The following GSE1 variants were observed in gnomAD, a reference collection of about 807,000 sequenced individuals.
The protein encoded by GSE1 is Gse1 coiled-coil protein.
Under a neutral mutation model 112.6 loss-of-function variants are expected in GSE1, and 32 were observed. The observed-to-expected ratio is 0.28, with a 90% confidence interval of 0.21 to 0.38. The LOEUF (loss-of-function observed/expected upper bound fraction) is 0.38, where lower values mean the gene tolerates loss of function less well. GSE1 is among the 10% of genes least tolerant of loss of function. The pLI, the probability that GSE1 is intolerant of heterozygous loss-of-function variation, is 1.00. For missense variants in GSE1, 2,348 were observed against 1,699.2 expected (o/e 1.38, Z -6.71); for synonymous variants, 1,115 against 735.6 (o/e 1.52, Z -8.35).
chr16:85,416,444 C>T (rs980369082), intron 2 of GSE1, among the ~76,000 whole-genome samples: 7 of 152,070 alleles, frequency 4.6e-5, no homozygotes, highest in African/African-American at 1.4e-4. Flanking sequence ...CGGCTCCTCC[C>T]GAGCAGGTGG....
chr16:85,585,012 T>G (rs2046623183), intron 1 of GSE1, among the ~76,000 whole-genome samples: 1 of 152,054 alleles, frequency 6.6e-6, no homozygotes, highest in Non-Finnish European at 1.5e-5. Flanking sequence ...GAAGACCTCG[T>G]CTTCCAAGGC....
chr16:85,500,295 G>A (rs2151911137), intron 2 of GSE1, among the ~76,000 whole-genome samples: 1 of 152,368 alleles, frequency 6.6e-6, no homozygotes, highest in East Asian at 1.9e-4. Context: ...CAAACCTCCA[G>A]AGAAGTGATA....
chr16:85,325,589 C>G (rs1401237917), intron 1 of GSE1, among the ~76,000 whole-genome samples: 1 of 149,816 alleles, frequency 6.7e-6, no homozygotes, highest in Non-Finnish European at 1.5e-5. Flanking sequence ...ATAGCAGGGA[C>G]TACAAGCATA....
intron 2 of GSE1, among the ~76,000 whole-genome samples, chr16:85,456,875 C>T (rs1445602477): frequency 2.0e-5 from 3 of 152,090 alleles, no homozygotes; most frequent in Non-Finnish European, 2.9e-5. Flanking sequence ...ACAGGAGAGA[C>T]ACCGGCAGGC....
rs140624354 is a variant in GSE1 at position 85,445,830 on chromosome 16, G to A, written c.2464+88187G>A. ...CTTGTGGGATTTCTGCTGGGGGCCC[G>A]CCTTGCAGCTCGCTGGGGTCAGGCT... On this transcript the variant is annotated intron_variant, in intron 2 of 2. Transcript: ENST00000637419. Among the ~76,000 whole-genome samples the A allele has an allele frequency of 2.5e-3, 384 of 152,284 alleles. 1 individual carries two copies. In the Middle Eastern group the frequency reaches 0.027, roughly 11 times the overall value.
intron 2 of GSE1, among the ~76,000 whole-genome samples, chr16:85,550,917 A>C (rs1243507988): frequency 6.6e-6 from 1 of 152,206 alleles, no homozygotes; most frequent in South Asian, 2.1e-4. Flanking sequence ...GTTTTCTCCC[A>C]TTGAGAGATG....
chr16:85,492,481 C>A (rs1199711301), intron 2 of GSE1, among the ~76,000 whole-genome samples: 3 of 152,312 alleles, frequency 2.0e-5, no homozygotes, highest in South Asian at 4.1e-4. Flanking sequence ...GAAATACCAG[C>A]CCCTGTTCTG....
At chr16:85,328,491 C>G (rs962817368) in intron 1 of GSE1, among the ~76,000 whole-genome samples, 1 of 152,232 alleles carries the variant, frequency 6.6e-6, no homozygotes, top group Non-Finnish European at 1.5e-5. Flanking sequence ...CTCCAGGCTC[C>G]TTTCAAGCTC....
chr16:85,224,876 T>C (rs1197260798), intron 1 of GSE1, among the ~76,000 whole-genome samples: 2 of 148,962 alleles, frequency 1.3e-5, no homozygotes, highest in Non-Finnish European at 3.0e-5. Context: ...GCACCTGTAA[T>C]CCCAGCACTT....
intron 1 of GSE1, among the ~76,000 whole-genome samples, chr16:85,570,596 G>A (rs578128529): frequency 6.6e-6 from 1 of 152,252 alleles, no homozygotes; most frequent in Non-Finnish European, 1.5e-5. Flanking sequence ...AGGGCTCTCG[G>A]AGAGAGGTGG....
At chr16:85,320,826 T>C (rs1346613848) in intron 1 of GSE1, among the ~76,000 whole-genome samples, 2 of 152,172 alleles carry the variant, frequency 1.3e-5, no homozygotes, top group Admixed American at 6.5e-5. Flanking sequence ...CTGGAGGCAC[T>C]GCCTTCTTGC....
At chr16:85,519,287 C>T (rs376588086) in intron 2 of GSE1, among the ~76,000 whole-genome samples, 1 of 111,908 alleles carries the variant, frequency 8.9e-6, no homozygotes, top group East Asian at 4.0e-4. Context: ...ACCATCACCA[C>T]CACCATCACC....
At chr16:85,205,858 A>G (rs2075105711) in intron 1 of GSE1, among the ~76,000 whole-genome samples, 1 of 152,180 alleles carries the variant, frequency 6.6e-6, no homozygotes, top group African/African-American at 2.4e-5. Context: ...TCATTCATTC[A>G]TCTGGTGCTT....
intron 1 of GSE1, among the ~76,000 whole-genome samples, chr16:85,286,659 C>T (rs934483857): frequency 4.6e-5 from 7 of 151,522 alleles, no homozygotes; most frequent in South Asian, 2.1e-4. Context: ...CTGCGGTTTA[C>T]GCATCTATTA....
chr16:85,453,767 A>G (rs928177177), intron 2 of GSE1, among the ~76,000 whole-genome samples: 5 of 152,242 alleles, frequency 3.3e-5, no homozygotes, highest in Admixed American at 3.3e-4. Context: ...CCCTCTGCAC[A>G]AGGCGGTCGC....
intron 1 of GSE1, among the ~76,000 whole-genome samples, chr16:85,272,287 T>G (rs1230868834): frequency 6.6e-6 from 1 of 152,174 alleles, no homozygotes; most frequent in East Asian, 1.9e-4. Context: ...GGACGATCCG[T>G]TTTTCCATGT....
intron 2 of GSE1, among the ~76,000 whole-genome samples, chr16:85,513,473 C>T (rs2051814395): frequency 6.6e-6 from 1 of 152,116 alleles, no homozygotes; most frequent in Non-Finnish European, 1.5e-5. Context: ...GTGGGGGGCT[C>T]CTGCAGGCTA....
chr16:85,580,046 C>G (rs79329831), intron 1 of GSE1: 27 of 152,324 alleles, frequency 1.8e-4, no homozygotes, highest in African/African-American at 6.5e-4. Context: ...AGAAGGGATA[C>G]AGCTGGGAGG....
At chr16:85,568,682 C>A (rs2045859784) in intron 1 of GSE1, among the ~76,000 whole-genome samples, 1 of 152,192 alleles carries the variant, frequency 6.6e-6, no homozygotes, top group African/African-American at 2.4e-5. Flanking sequence ...GGAAACCCTT[C>A]CCCATTCACT....
Sources: gnomAD v4.1 joint callset for allele counts (sites outside exome capture counted in the v4.1 genomes callset) on GRCh38, gnomAD v4.1.1 for gene constraint, MANE v1.5 for transcripts, NCBI Gene and HGNC (gene_info 2026-07-23, HGNC 2026-07-21) for gene names.